The following CUL5 variants were observed in gnomAD, a reference collection of about 807,000 sequenced individuals.
CUL5 encodes the protein cullin-5.
Under a neutral mutation model 108.8 loss-of-function variants are expected in CUL5, and 26 were observed. That is an observed-to-expected ratio of 0.24 (90% CI 0.18 to 0.33). The LOEUF is 0.33. Among genes scored for constraint, CUL5 ranks in the 10% least tolerant of loss-of-function variants. The pLI is 1.00. For synonymous variants in CUL5, 334 were observed against 298.0 expected, an observed-to-expected ratio of 1.12 and a Z score of -1.25; for missense variants, 524 against 909.2, an observed-to-expected ratio of 0.58 and a Z score of 5.45.
intron 2 of CUL5, among the ~76,000 whole-genome samples, chr11:108,043,138 T>C (rs1448240691): frequency 6.6e-6 from 1 of 152,224 alleles, no homozygotes; most frequent in Non-Finnish European, 1.5e-5. Flanking sequence ...AGTGGCACAA[T>C]TGTAGCTCAT....
At chr11:108,060,797 A>G (rs1863513663) in intron 7 of CUL5, among the ~76,000 whole-genome samples, 1 of 151,900 alleles carries the variant, frequency 6.6e-6, no homozygotes, top group African/African-American at 2.4e-5. Flanking sequence ...GCGCCATTGC[A>G]CTCCAGCTTG....
At chr11:108,073,901 TG>T (rs1455754634) in intron 10 of CUL5, 1 of 155,450 alleles carries the variant, frequency 6.4e-6, no homozygotes, top group East Asian at 1.9e-4. Flanking sequence ...CGTCCTTTCA[TG>T]GGACTCCTTC....
intron 1 of CUL5, among the ~76,000 whole-genome samples, chr11:108,025,877 T>C (rs1862441215): frequency 6.6e-6 from 1 of 152,166 alleles, no homozygotes; most frequent in African/African-American, 2.4e-5. Context: ...TTTCCCCTCC[T>C]TGTGATGAGG....
At chr11:108,073,361 A>C (rs747986049) in intron 9 of CUL5, 29 bp from the exon 10 acceptor site, 3 of 1,074,884 alleles carry the variant, frequency 2.8e-6, no homozygotes, top group Non-Finnish European at 4.2e-6. Context: ...TTTCTTTTAA[A>C]AACTTAATGT....
chr11:108,061,999 T>C (rs3911815), intron 7 of CUL5, among the ~76,000 whole-genome samples: 89,930 of 151,952 alleles, frequency 0.59, 28,200 homozygotes, highest in East Asian at 0.9. Flanking sequence ...GAAACCTTGC[T>C]GATCCAATCA....
At chr11:108,084,065 T>A (rs997029356) in intron 11 of CUL5, among the ~76,000 whole-genome samples, 2 of 152,162 alleles carry the variant, frequency 1.3e-5, no homozygotes, top group Admixed American at 6.5e-5. Context: ...CTTCTTCCAG[T>A]GTGGCCCAGG....
rs186995394 is a variant in CUL5, at chr11:108,069,253, A to G, written c.781-843A>G. On this transcript the variant is annotated intron_variant, in intron 7 of 18. Transcript: ENST00000393094. ...GCCACTGTACTCCAGCTTGGGCAGC[A>G]GAGCAAGACTCTGTCTCTTAAACAA... 1.8e-4 allele frequency among the ~76,000 whole-genome samples: 28 copies of G among 152,272 alleles called. No individual in the cohort carries two copies. The East Asian group carries it at 5.4e-3, about 29-fold the overall frequency.
rs533642283 is a variant in CUL5, at chr11:108,073,310, TTAAAA to T, written c.1006-78_1006-74del. ...TATCCCCAGTTTTAAATGAGTTTTATTAAAATTATGTTTATTTTCTCATTTTTTTG... is the reference window on the plus strand; with the variant it reads ...TATCCCCAGTTTTAAATGAGTTTTATTTATGTTTATTTTCTCATTTTTTTG... On this transcript the variant is annotated intron_variant, in intron 9 of 18. Coordinates refer to ENST00000393094, the MANE Select transcript of CUL5 (RefSeq NM_003478.6). The T allele has an allele frequency of 2.4e-3, 1,629 of 675,402 alleles. 6 individuals are homozygous for T. The highest frequency in any genetic ancestry group is 3.2e-3 in the Non-Finnish European group (1,293 of 403,134). 41.8% of individuals were successfully genotyped at this position (675,402 alleles called of 1,614,324 possible). A position where few individuals can be genotyped will look rare whatever the true frequency, so the allele number is the denominator to read the frequency against.
chr11:108,092,953 A>ATT (rs1864393780), intron 13 of CUL5, among the ~76,000 whole-genome samples: 1 of 152,056 alleles, frequency 6.6e-6, no homozygotes, highest in South Asian at 2.1e-4. Flanking sequence ...AGTAGCTGGG[A>ATT]TTACAGGCGC....
chr11:108,030,780 G>A (rs1171426015), intron 1 of CUL5, among the ~76,000 whole-genome samples: 1 of 152,208 alleles, frequency 6.6e-6, no homozygotes, highest in East Asian at 1.9e-4. Flanking sequence ...TCTTAACCTA[G>A]TTTGGGTCAT....
At chr11:108,046,576 T>TA (rs1309352099) in intron 3 of CUL5, 6 of 428,596 alleles carry the variant, frequency 1.4e-5, no homozygotes, top group Non-Finnish European at 2.1e-5. Context: ...AGAGAGTACA[T>TA]ATTATATTTA....
At chr11:108,078,351 T>G (rs575165900) in intron 11 of CUL5, 111 bp downstream of exon 11, 77 of 506,082 alleles carry the variant, frequency 1.5e-4, no homozygotes, top group African/African-American at 1.4e-3. Flanking sequence ...ATTGTTAGTT[T>G]TGTGACTTTT....
At chr11:108,032,249 A>G (rs958135551) in intron 1 of CUL5, among the ~76,000 whole-genome samples, 16 of 152,172 alleles carry the variant, frequency 1.1e-4, no homozygotes, top group Admixed American at 9.2e-4. Flanking sequence ...GCTTACTGCT[A>G]TAACCTCAGC....
chr11:108,020,174 A>C (rs935833639), intron 1 of CUL5, among the ~76,000 whole-genome samples: 1 of 152,200 alleles, frequency 6.6e-6, no homozygotes, highest in Non-Finnish European at 1.5e-5. Flanking sequence ...GTAGCAGTAC[A>C]TTTACTGTTA....
At chr11:108,011,785 G>A (rs1009917534) in intron 1 of CUL5, among the ~76,000 whole-genome samples, 3 of 152,046 alleles carry the variant, frequency 2.0e-5, no homozygotes, top group Admixed American at 1.3e-4. Context: ...ACGCCACCAC[G>A]CCCAGCTAAT....
chr11:108,061,305 C>G (rs1217579453), intron 7 of CUL5, among the ~76,000 whole-genome samples: 1 of 152,142 alleles, frequency 6.6e-6, no homozygotes, highest in Non-Finnish European at 1.5e-5. Flanking sequence ...ATAACATGAT[C>G]TCTGTCCTCA....
chr11:108,059,708 C>T (rs556005385), intron 7 of CUL5, among the ~76,000 whole-genome samples: 6 of 151,792 alleles, frequency 4.0e-5, no homozygotes. Flanking sequence ...GAAACCCTGT[C>T]TCTACTAAAA....
intron 11 of CUL5, 57 bp downstream of exon 11, chr11:108,078,297 G>C: frequency 4.4e-6 from 4 of 909,188 alleles, no homozygotes; most frequent in Non-Finnish European, 6.8e-6. Context: ...GTGTAATAGG[G>C]GTTAACTAGG....
Position 108,072,377 on chromosome 11 carries a change from T to C in CUL5, c.920T>C (p.Ile307Thr), listed in dbSNP as rs768326515. ...TTGATGGACAAAGTTCCTAATGGTA[T>C]AGAGCCAATGTTGAAAGACTTGGAG... Reference protein sequence around the residue: ...FSLMDKVPNGIEPMLKDLEEH... With the variant: ...FSLMDKVPNGTEPMLKDLEEH... Residue 307 changes from isoleucine (I) to threonine (T), a missense_variant, in exon 9 of 19, where the codon ATA becomes ACA. Ile to Thr is a moderately conservative substitution (Grantham distance 89, BLOSUM62 -1). Around this residue, in one of 8 missense-constraint regions of CUL5, gnomAD observed 170 missense variants for 305.1 expected, o/e 0.56. Transcript: ENST00000393094. 3 of 1,612,316 alleles carry C rather than the reference T, an allele frequency of 1.9e-6. No homozygotes were observed. The highest frequency in any genetic ancestry group is 1.6e-4 in the Middle Eastern group (1 of 6,062).
Sources: gnomAD v4.1 joint callset for allele counts (sites outside exome capture counted in the v4.1 genomes callset) on GRCh38, gnomAD v4.1.1 for gene constraint, gnomAD v4.1.1 regional missense constraint, MANE v1.5 for transcripts, NCBI Gene and HGNC (gene_info 2026-07-23, HGNC 2026-07-21) for gene names.